The following ESPNL variants were observed in gnomAD, a reference collection of about 807,000 sequenced individuals.
ESPNL encodes espin-like protein.
A neutral mutation model predicts 46.8 loss-of-function variants in ESPNL; 49 were observed. The observed-to-expected ratio is 1.05, with a 90% CI of 0.83 to 1.33. The LOEUF (loss-of-function observed/expected upper bound fraction) is 1.33, where lower values mean the gene tolerates loss of function less well. ESPNL is among the 40% of genes most tolerant of loss of function. ESPNL has a pLI of 0.00. For synonymous variants in ESPNL, 664 were observed against 662.1 expected (o/e 1.00, Z -0.04); for missense variants, 1,540 against 1,436.6 (o/e 1.07, Z -1.16).
intron 8 of ESPNL, among the ~76,000 whole-genome samples, chr2:238,129,871 CCTGT>C (rs2106480220): frequency 1.3e-5 from 2 of 152,380 alleles, no homozygotes; most frequent in Non-Finnish European, 2.9e-5. Flanking sequence ...GTGGGACAGC[CCTGT>C]CTGAGGGCCC....
chr2:238,117,551 C>A (rs1052312927), intron 5 of ESPNL, among the ~76,000 whole-genome samples: 24 of 152,354 alleles, frequency 1.6e-4, no homozygotes, highest in Middle Eastern at 3.4e-3. Context: ...GAGGTGATCG[C>A]AAGGCGGCCA....
chr2:238,112,894 C>T (rs989576055), intron 4 of ESPNL, among the ~76,000 whole-genome samples: 3 of 152,104 alleles, frequency 2.0e-5, no homozygotes, highest in Non-Finnish European at 4.4e-5. Flanking sequence ...ACTTTATTGC[C>T]CCGTGTATGG....
In ESPNL at chr2:238,130,535, G is replaced by T; in HGVS notation, c.1821G>T (p.Leu607=). 1 of 1,593,050 alleles carries T rather than the reference G, an allele frequency of 6.3e-7. No homozygotes were observed. Among genetic ancestry groups the T allele is most frequent in the Non-Finnish European group, 8.5e-7 (1 of 1,170,318 alleles). Reference sequence around the variant, plus strand: ...TGGTACGCAGCCTGTCCCTGCTGCTGAAGGGCGTGCATGGGCTAGTACAGG... The same window carrying T: ...TGGTACGCAGCCTGTCCCTGCTGCTTAAGGGCGTGCATGGGCTAGTACAGG... ...SRLVRSLSLL[L]KGVHGLVQGD... The change falls in exon 9 of 9, where the codon CTG becomes CTT. Residue 607 remains leucine, a synonymous_variant. Coordinates refer to ENST00000343063, the MANE Select transcript of ESPNL (RefSeq NM_194312.4).
chr2:238,110,949 C>CTTT (rs5839686), intron 4 of ESPNL, among the ~76,000 whole-genome samples: 30,990 of 110,864 alleles, frequency 0.28, 6,083 homozygotes, highest in Non-Finnish European at 0.4. Flanking sequence ...ATTAGTTATT[C>CTTT]TTTTTTTTTT....
intron 5 of ESPNL, among the ~76,000 whole-genome samples, chr2:238,120,253 T>G (rs1691956489): frequency 6.6e-6 from 1 of 152,122 alleles, no homozygotes; most frequent in Non-Finnish European, 1.5e-5. Context: ...CACAGCTCCT[T>G]CAAGGCCGCT....
rs1204178991 is a variant in ESPNL, at chr2:238,130,250, G to A, written c.1536G>A (p.Lys512=). Reference sequence around the variant, plus strand: ...AGGATGACCTGGTCTACCTGGAGAAGCAGATTGCAGACCTGCAGCTTCGGC... The same window carrying A: ...AGGATGACCTGGTCTACCTGGAGAAACAGATTGCAGACCTGCAGCTTCGGC... ...LTEDDLVYLE[K]QIADLQLRRR... The change falls in exon 9 of 9, where the codon AAG becomes AAA. Residue 512 remains lysine, a synonymous_variant. Transcript: ENST00000343063. 1 of 1,610,580 alleles carries A rather than the reference G, an allele frequency of 6.2e-7. No individual in the cohort carries two copies. The highest frequency in any genetic ancestry group is 2.2e-5 in the East Asian group (1 of 44,804).
At chr2:238,115,916 C>G (rs1691805423) in intron 4 of ESPNL, among the ~76,000 whole-genome samples, 1 of 152,240 alleles carries the variant, frequency 6.6e-6, no homozygotes, top group Non-Finnish European at 1.5e-5. Flanking sequence ...AGGTGATCCA[C>G]CCGCCTTGGC....
rs13382446 is a variant in ESPNL at position 238,127,629 on chromosome 2, C to T, written c.1110C>T (p.Ser370=). The T allele has an allele frequency of 0.15, 241,622 of 1,604,952 alleles. 18,798 individuals are homozygous for T. Among genetic ancestry groups the T allele is most frequent in the Non-Finnish European group, 0.16 (183,318 of 1,176,216 alleles). The stretch of plus-strand genomic sequence containing the variant: ...CCTTCTTCTTCTTGGCAGCCATGTC[C>T]CTCAGCCCGGCCTGGCCTGGCCATC... ...GPGPGNPSPM[S]LSPAWPGHPD... The change falls in exon 7 of 9, where the codon TCC becomes TCT. Residue 370 remains serine (S), a synonymous_variant. Transcript: ENST00000343063.
At chr2:238,129,086 C>A in intron 8 of ESPNL, 182 bp downstream of exon 8, 2 of 1,425,964 alleles carry the variant, frequency 1.4e-6, no homozygotes, top group Non-Finnish European at 1.8e-6. Context: ...GGACTCTGAG[C>A]AGAGCCCCTT....
At chr2:238,112,330 T>A (rs1461495354) in intron 4 of ESPNL, among the ~76,000 whole-genome samples, 1 of 152,148 alleles carries the variant, frequency 6.6e-6, no homozygotes, top group African/African-American at 2.4e-5. Context: ...AATATCCTCA[T>A]GATCCTTTAT....
chr2:238,120,522 G>A (rs913509986), intron 5 of ESPNL, among the ~76,000 whole-genome samples: 4 of 152,386 alleles, frequency 2.6e-5, no homozygotes, highest in East Asian at 1.9e-4. Context: ...AGTGGAGGAC[G>A]GGTCGTGTTA....
intron 6 of ESPNL, among the ~76,000 whole-genome samples, chr2:238,125,767 T>TTGGAG (rs370332974): frequency 0.25 from 36,077 of 146,220 alleles, 4,701 homozygotes; most frequent in South Asian, 0.33. Flanking sequence ...TGTGACCAGC[T>TTGGAG]TGGAGTGGAG....
chr2:238,105,264 G>A lies in ESPNL; in HGVS notation c.672+422G>A, dbSNP rs925460274. 5.3e-5 allele frequency among the ~76,000 whole-genome samples: 8 copies of A among 152,212 alleles called. 1 individual carries two copies. Among genetic ancestry groups the A allele is most frequent in the Admixed American group, 4.6e-4 (7 of 15,280 alleles). ...CCAGCCCCCACCTTCCTCCACTTCTGGCCTCTTTGGGGAAGGAAGACCTGA... is the reference window on the plus strand; with the variant it reads ...CCAGCCCCCACCTTCCTCCACTTCTAGCCTCTTTGGGGAAGGAAGACCTGA... On this transcript the variant is annotated intron_variant, in intron 3 of 8. Transcript: ENST00000343063.
chr2:238,130,197 C>G lies in ESPNL; in HGVS notation c.1483C>G (p.Leu495Val). The G allele has an allele frequency of 6.2e-7, 1 of 1,612,658 alleles. No individual in the cohort carries two copies. Among genetic ancestry groups the G allele is most frequent in the Admixed American group, 1.7e-5 (1 of 59,978 alleles). The change falls in exon 9 of 9, where the codon CTG (leucine) becomes GTG (valine). Residue 495 changes from leucine to valine, a missense_variant. Coordinates refer to ENST00000343063, the MANE Select transcript of ESPNL (RefSeq NM_194312.4). The part of the protein sequence containing the change: ...WRYSQTHQAI[L>V]GPFGELLTED... ...GTACTCACAGACTCATCAGGCCATC[C>G]TGGGGCCCTTTGGGGAGCTGCTGAC...
At chr2:238,126,656 CTGTGATTGTGTCTG>C (rs1447538054) in intron 6 of ESPNL, among the ~76,000 whole-genome samples, 2 of 144,734 alleles carry the variant, frequency 1.4e-5, no homozygotes, top group African/African-American at 5.2e-5. Context: ...GTGATTGTGT[CTGTGATTGTGTCTG>C]TGTGATTGTG....
intron 7 of ESPNL, among the ~76,000 whole-genome samples, chr2:238,128,231 G>A (rs1411674344): frequency 6.6e-6 from 1 of 152,198 alleles, no homozygotes; most frequent in African/African-American, 2.4e-5. Flanking sequence ...CTCAACCATT[G>A]AGGTGTTCGG....
At chr2:238,129,255 G>C (rs1001485065) in intron 8 of ESPNL, 1 of 1,192,244 alleles carries the variant, frequency 8.4e-7, no homozygotes, top group African/African-American at 1.6e-5. Context: ...TGTGGGGTGC[G>C]ATTCCCACTG....
At chr2:238,119,995 C>T (rs1691950744) in intron 5 of ESPNL, among the ~76,000 whole-genome samples, 1 of 152,148 alleles carries the variant, frequency 6.6e-6, no homozygotes, top group African/African-American at 2.4e-5. Flanking sequence ...GCTCAGGTGG[C>T]CTCCGGGGAG....
chr2:238,123,683 G>A lies in ESPNL; in HGVS notation c.988-1587G>A, dbSNP rs558412551. Among the ~76,000 whole-genome samples the A allele has an allele frequency of 6.6e-5, 10 of 152,280 alleles. No individual in the cohort carries two copies. The South Asian group carries it at 1.5e-3, about 22-fold the overall frequency. ...GGGGGCGGCAGCCTCAGCAGCCCCCGGTGTCCCAGGACAGCTGTGCTCCCT... is the reference window on the plus strand; with the variant it reads ...GGGGGCGGCAGCCTCAGCAGCCCCCAGTGTCCCAGGACAGCTGTGCTCCCT... On this transcript the variant is annotated intron_variant, in intron 5 of 8. Coordinates refer to ENST00000343063, the MANE Select transcript of ESPNL (RefSeq NM_194312.4).
Sources: gnomAD v4.1 joint callset for allele counts (sites outside exome capture counted in the v4.1 genomes callset) on GRCh38, gnomAD v4.1.1 for gene constraint, MANE v1.5 for transcripts, NCBI Gene and HGNC (gene_info 2026-07-23, HGNC 2026-07-21) for gene names.